PRKCI: variants seen among roughly 807,000 people sequenced by gnomAD.
The protein encoded by PRKCI is protein kinase C iota type.
PRKCI carries 43 observed loss-of-function variants against 84.0 expected under a neutral mutation model. That is an observed-to-expected ratio of 0.51 (90% CI 0.40 to 0.66). PRKCI has a LOEUF of 0.66. Ranked by LOEUF, PRKCI falls within the 30% of genes least tolerant of loss-of-function variation. The pLI, the probability that PRKCI is intolerant of heterozygous loss-of-function variation, is 0.00. For synonymous variants in PRKCI, 216 were observed against 234.4 expected, an observed-to-expected ratio of 0.92 and a Z score of 0.72; for missense variants, 459 against 745.6, an observed-to-expected ratio of 0.62 and a Z score of 4.48.
chr3:170,293,838 G>T (rs1734629043), intron 14 of PRKCI, among the ~76,000 whole-genome samples: 1 of 151,926 alleles, frequency 6.6e-6, no homozygotes, highest in Non-Finnish European at 1.5e-5. Context: ...ACACCACTAT[G>T]CCCGGCTAAA....
chr3:170,280,271 T>C lies in PRKCI; in HGVS notation c.750T>C (p.Gly250=), dbSNP rs751685866. Reference sequence around the variant, plus strand: ...GTGGCAAAGCTTCATCCAGTCTAGGTCTTCAGGATTTTGATTTGCTCCGGG... The same window carrying C: ...GTGGCAAAGCTTCATCCAGTCTAGGCCTTCAGGATTTTGATTTGCTCCGGG... ...RESGKASSSL[G]LQDFDLLRVI... Residue 250 remains glycine, a synonymous_variant, in exon 9 of 18, where the codon GGT becomes GGC. Coordinates refer to ENST00000295797, the MANE Select transcript of PRKCI (RefSeq NM_002740.6). The C allele has an allele frequency of 2.2e-5, 35 of 1,612,974 alleles. No homozygotes were observed. The Middle Eastern group carries it at 5.8e-4, about 27-fold the overall frequency.
In PRKCI at chr3:170,269,178, G is replaced by A. The variant is rs191540811; in HGVS notation, c.450+1178G>A. ...GATCCGTCCGCCTCGGCCTCCCAAA[G>A]TGCTGGGATTACAGGCTTGAGCCAC... is the stretch of plus-strand genomic sequence containing the variant. On this transcript the variant is annotated intron_variant, in intron 5 of 17. Transcript: ENST00000295797. Among the ~76,000 whole-genome samples the A allele has an allele frequency of 2.0e-5, 3 of 152,294 alleles. No homozygotes were observed. In the East Asian group the frequency reaches 5.8e-4, roughly 29 times the overall value.
At chr3:170,223,538 A>G (rs1732551593) in intron 1 of PRKCI, among the ~76,000 whole-genome samples, 2 of 152,234 alleles carry the variant, frequency 1.3e-5, no homozygotes, top group South Asian at 2.1e-4. Flanking sequence ...GAAAAAACCC[A>G]GTTCTAAGTT....
chr3:170,259,963 T>G lies in PRKCI; in HGVS notation c.224-6T>G, dbSNP rs376966838. 6.3e-7 allele frequency: 1 copy of G among 1,588,338 alleles called. No homozygotes were observed. Among genetic ancestry groups the G allele is most frequent in the African/African-American group, 1.4e-5 (1 of 73,976 alleles). On this transcript the variant is annotated splice_region_variant and splice_polypyrimidine_tract_variant and intron_variant, in intron 2 of 17. Coordinates refer to ENST00000295797, the MANE Select transcript of PRKCI (RefSeq NM_002740.6). The stretch of plus-strand genomic sequence containing the variant: ...GTGACCTTTACTTTACTTTTGTGTT[T>G]TTTAGGAGACCCGTGTACAGTATCA...
chr3:170,282,835 A>G (rs1162856490), intron 11 of PRKCI, among the ~76,000 whole-genome samples: 1 of 151,808 alleles, frequency 6.6e-6, no homozygotes, highest in African/African-American at 2.4e-5. Flanking sequence ...GGCCAGGCGC[A>G]GTGGCTCATG....
chr3:170,274,367 C>G (rs780152318), intron 7 of PRKCI, among the ~76,000 whole-genome samples: 33 of 152,174 alleles, frequency 2.2e-4, no homozygotes, highest in Non-Finnish European at 4.3e-4. Flanking sequence ...TTCCTGACCT[C>G]AAGTAATCCA....
At chr3:170,255,601 A>G (rs1299680560) in intron 2 of PRKCI, among the ~76,000 whole-genome samples, 1 of 152,148 alleles carries the variant, frequency 6.6e-6, no homozygotes, top group Non-Finnish European at 1.5e-5. Flanking sequence ...TCATCTGCAA[A>G]CAAGGATAAT....
chr3:170,242,967 G>A (rs553612682), intron 2 of PRKCI, among the ~76,000 whole-genome samples: 30 of 151,750 alleles, frequency 2.0e-4, no homozygotes, highest in African/African-American at 7.3e-4. Flanking sequence ...CACTGCGCCC[G>A]GCCTCTTGAA....
intron 2 of PRKCI, among the ~76,000 whole-genome samples, chr3:170,237,051 A>C (rs924419762): frequency 2.6e-5 from 4 of 152,200 alleles, no homozygotes. Flanking sequence ...CATCTATAAT[A>C]CATCTGCAAT....
At chr3:170,225,921 T>C (rs1037597080) in intron 1 of PRKCI, among the ~76,000 whole-genome samples, 2 of 152,028 alleles carry the variant, frequency 1.3e-5, no homozygotes, top group Non-Finnish European at 2.9e-5. Context: ...TTTATTTATT[T>C]ATTTTTTTGG....
Position 170,304,297 on chromosome 3 carries a change from A to ACTTTTTGTGACTTG in PRKCI, c.*1170_*1171insCTTTTTGTGACTTG. On this transcript the variant is annotated 3_prime_UTR_variant, in exon 18 of 18. Coordinates refer to ENST00000295797, the MANE Select transcript of PRKCI (RefSeq NM_002740.6). ...TATTTTTATTTCCTATTGGAGAGTG[A>ACTTTTTGTGACTTG]ATCCCCACAGTTGCTTTTTGTGACT... 6.6e-6 allele frequency: 1 copy of ACTTTTTGTGACTTG among 152,340 alleles called. No individual in the cohort carries two copies. The highest frequency in any genetic ancestry group is 2.1e-4 in the South Asian group (1 of 4,826). 9.4% of individuals were successfully genotyped at this position (152,340 alleles called of 1,614,324 possible).
intron 5 of PRKCI, among the ~76,000 whole-genome samples, chr3:170,268,404 T>C (rs555820145): frequency 6.8e-6 from 1 of 146,344 alleles, no homozygotes; most frequent in South Asian, 2.1e-4. Context: ...CACTTGAGTC[T>C]GGGAGGCAGA....
At chr3:170,244,617 C>G (rs931041598) in intron 2 of PRKCI, among the ~76,000 whole-genome samples, 2 of 152,094 alleles carry the variant, frequency 1.3e-5, no homozygotes, top group African/African-American at 4.8e-5. Flanking sequence ...AAAAGCTTCC[C>G]CATTGATCTC....
chr3:170,296,887 A>G (rs1304181063), intron 15 of PRKCI, among the ~76,000 whole-genome samples: 2 of 152,156 alleles, frequency 1.3e-5, no homozygotes, highest in Non-Finnish European at 2.9e-5. Context: ...ATTGTCTTAC[A>G]CAGGTGGTGG....
In PRKCI at chr3:170,281,191, A is replaced by G; in HGVS notation, c.908A>G (p.Lys303Arg). Residue 303 changes from lysine to arginine, a missense_variant, in exon 10 of 18, where the codon AAG (lysine) becomes AGG (arginine). Around this residue, in one of 2 missense-constraint regions of PRKCI, gnomAD observed 209 missense variants for 425.9 expected, o/e 0.49. Coordinates refer to ENST00000295797, the MANE Select transcript of PRKCI (RefSeq NM_002740.6). The stretch of plus-strand genomic sequence containing the variant: ...GATATTGATTGGGTACAGACAGAGA[A>G]GCATGTGTTTGAGCAGGCATCCAAT... ...DEDIDWVQTE[K>R]HVFEQASNHP... 6.2e-7 allele frequency: 1 copy of G among 1,613,536 alleles called. No individual in the cohort carries two copies. Among genetic ancestry groups the G allele is most frequent in the Non-Finnish European group, 8.5e-7 (1 of 1,179,930 alleles).
At chr3:170,253,815 G>A (rs1172192004) in intron 2 of PRKCI, among the ~76,000 whole-genome samples, 2 of 150,106 alleles carry the variant, frequency 1.3e-5, no homozygotes, top group South Asian at 2.1e-4. Context: ...GTCTATTCAG[G>A]GCTAGGGATG....
intron 1 of PRKCI, among the ~76,000 whole-genome samples, chr3:170,227,796 C>G (rs1732671713): frequency 1.3e-5 from 2 of 152,106 alleles, no homozygotes; most frequent in South Asian, 4.1e-4. Context: ...AATACATGAT[C>G]AGATTTGCAT....
chr3:170,298,953 TAAG>T, intron 16 of PRKCI, 39 bp from the exon 17 acceptor site: 2 of 1,376,748 alleles, frequency 1.5e-6, no homozygotes, highest in Non-Finnish European at 2.1e-6. Context: ...GGAGTTTTTC[TAAG>T]AATACAGACT....
At chr3:170,292,765 G>A (rs1272120808) in intron 13 of PRKCI, among the ~76,000 whole-genome samples, 1 of 150,682 alleles carries the variant, frequency 6.6e-6, no homozygotes, top group Non-Finnish European at 1.5e-5. Flanking sequence ...CATATAGCCG[G>A]GCGCGGTGGC....
Sources: allele counts gnomAD v4.1 joint callset (sites outside exome capture counted in the v4.1 genomes callset), GRCh38; gene constraint gnomAD v4.1.1; regional missense constraint gnomAD v4.1.1; transcripts MANE v1.5; gene names NCBI Gene and HGNC (gene_info 2026-07-23, HGNC 2026-07-21).